CTIF: variants seen among roughly 807,000 people sequenced by gnomAD.
CTIF encodes CBP80/20-dependent translation initiation factor.
A neutral mutation model predicts 66.0 loss-of-function variants in CTIF; 21 were observed. That is an observed-to-expected ratio of 0.32 (90% CI 0.23 to 0.46). The LOEUF is 0.46. Among genes scored for constraint, CTIF ranks in the 20% least tolerant of loss-of-function variants. The pLI is 1.00. For missense variants in CTIF, 739 were observed against 812.7 expected (o/e 0.91, Z 1.10); for synonymous variants, 345 against 326.4 (o/e 1.06, Z -0.62).
At chr18:48,558,948 C>A (rs1028300210) in intron 1 of CTIF, among the ~76,000 whole-genome samples, 2 of 152,172 alleles carry the variant, frequency 1.3e-5, no homozygotes, top group Non-Finnish European at 2.9e-5. Context: ...ACCTGATAAG[C>A]GTTTGCAGAT....
intron 3 of CTIF, among the ~76,000 whole-genome samples, chr18:48,655,345 CTGAA>C (rs1292030272): frequency 2.7e-5 from 4 of 150,038 alleles, no homozygotes; most frequent in African/African-American, 9.8e-5. Flanking sequence ...GCCGGAGTGA[CTGAA>C]TGAGGCCGCA....
At chr18:48,786,602 C>G (rs945275366) in intron 9 of CTIF, among the ~76,000 whole-genome samples, 3 of 152,210 alleles carry the variant, frequency 2.0e-5, no homozygotes, top group African/African-American at 7.2e-5. Flanking sequence ...AGGATTACGA[C>G]TGTGAACGTG....
intron 9 of CTIF, among the ~76,000 whole-genome samples, chr18:48,780,713 C>T (rs1374820650): frequency 1.3e-5 from 2 of 152,240 alleles, no homozygotes; most frequent in African/African-American, 2.4e-5. Context: ...TCCCTCCTGC[C>T]GGTCCGCACA....
At chr18:48,775,676 C>T (rs754569316) in intron 9 of CTIF, among the ~76,000 whole-genome samples, 8 of 152,232 alleles carry the variant, frequency 5.3e-5, no homozygotes, top group African/African-American at 9.6e-5. Flanking sequence ...AGTTTAGGAA[C>T]ATCAGAGGAA....
chr18:48,662,877 A>C (rs1006792436), intron 3 of CTIF, among the ~76,000 whole-genome samples: 3 of 152,184 alleles, frequency 2.0e-5, no homozygotes, highest in African/African-American at 7.2e-5. Flanking sequence ...ATATGTGAAC[A>C]TACCACGGTT....
chr18:48,858,806 C>T (rs778931637), intron 11 of CTIF, among the ~76,000 whole-genome samples: 33 of 152,168 alleles, frequency 2.2e-4, no homozygotes, highest in Non-Finnish European at 3.2e-4. Context: ...GCAGAGGTCA[C>T]TTCTGGGGGC....
chr18:48,640,616 C>G (rs1368697671), intron 3 of CTIF, among the ~76,000 whole-genome samples: 2 of 152,214 alleles, frequency 1.3e-5, no homozygotes, highest in Non-Finnish European at 2.9e-5. Flanking sequence ...TGGTGCTCCT[C>G]TTGACTGCCC....
chr18:48,858,224 C>G (rs912576409), intron 11 of CTIF, among the ~76,000 whole-genome samples: 1 of 152,240 alleles, frequency 6.6e-6, no homozygotes, highest in Non-Finnish European at 1.5e-5. Context: ...AGACGAGGAC[C>G]TGGGCCTGGC....
intron 3 of CTIF, among the ~76,000 whole-genome samples, chr18:48,649,982 G>A (rs920946744): frequency 1.3e-5 from 2 of 152,156 alleles, no homozygotes; most frequent in Non-Finnish European, 2.9e-5. Flanking sequence ...GGTCACCAAC[G>A]TCAAAGACCA....
intron 5 of CTIF, 123 bp from the exon 6 acceptor site, chr18:48,670,546 G>T (rs2091513463): frequency 2.4e-6 from 2 of 830,152 alleles, no homozygotes; most frequent in Non-Finnish European, 4.1e-6. Context: ...GACAGCCCCT[G>T]CAGGGCTTGA....
rs187312556 is a variant in CTIF, at chr18:48,751,592, A to G, written c.585-6327A>G. On this transcript the variant is annotated intron_variant, in intron 7 of 11. Transcript: ENST00000256413. ...AGCAGTTCAGAGGCACACACAAGACACTCTGGTGGCAGAGACGTGGGTGTG... is the reference window on the plus strand; with the variant it reads ...AGCAGTTCAGAGGCACACACAAGACGCTCTGGTGGCAGAGACGTGGGTGTG... Among the ~76,000 whole-genome samples the G allele has an allele frequency of 3.9e-5, 6 of 152,224 alleles. No individual in the cohort carries two copies. In the East Asian group the frequency reaches 1.2e-3, roughly 29 times the overall value.
chr18:48,624,472 C>T (rs2090557889), intron 2 of CTIF, among the ~76,000 whole-genome samples: 1 of 152,110 alleles, frequency 6.6e-6, no homozygotes, highest in African/African-American at 2.4e-5. Flanking sequence ...AATTAGGTCT[C>T]CAAATCTCAT....
intron 2 of CTIF, among the ~76,000 whole-genome samples, chr18:48,624,142 C>CCCCATGCTTGACACCACGCCCCTA: frequency 6.7e-6 from 1 of 149,066 alleles, no homozygotes. Flanking sequence ...CCACGCCCCT[C>CCCCATGCTTGACACCACGCCCCTA]CCCATGCTTG....
intron 7 of CTIF, among the ~76,000 whole-genome samples, chr18:48,751,989 G>A (rs1296276073): frequency 6.6e-6 from 1 of 151,592 alleles, no homozygotes; most frequent in Non-Finnish European, 1.5e-5. Flanking sequence ...TCATTCTACA[G>A]TTAGTGAGAA....
chr18:48,752,280 C>T (rs532347839), intron 7 of CTIF, among the ~76,000 whole-genome samples: 1 of 152,198 alleles, frequency 6.6e-6, no homozygotes, highest in Non-Finnish European at 1.5e-5. Context: ...CATGCTGGCC[C>T]TCTCCTCTCA....
chr18:48,717,878 C>T (rs982684229), intron 7 of CTIF, among the ~76,000 whole-genome samples: 3 of 152,088 alleles, frequency 2.0e-5, no homozygotes, highest in East Asian at 1.9e-4. Context: ...TATAGGCACC[C>T]GCCACCACAC....
chr18:48,742,985 T>C (rs1043512296), intron 7 of CTIF, among the ~76,000 whole-genome samples: 2 of 152,224 alleles, frequency 1.3e-5, no homozygotes, highest in African/African-American at 4.8e-5. Flanking sequence ...CATTACACAT[T>C]TTAAATTATT....
intron 3 of CTIF, among the ~76,000 whole-genome samples, chr18:48,646,901 C>CAAAAAAAA (rs35904615): frequency 5.0e-4 from 39 of 77,942 alleles, no homozygotes; most frequent in East Asian, 9.8e-4. Context: ...TTGGCAGTTT[C>CAAAAAAAA]AAAAAAAAAA....
intron 6 of CTIF, among the ~76,000 whole-genome samples, chr18:48,681,198 G>A (rs375275443): frequency 6.6e-6 from 1 of 152,244 alleles, no homozygotes; most frequent in African/African-American, 2.4e-5. Context: ...GTGAGCTGCT[G>A]CACAATCCCA....
Sources: gnomAD v4.1 joint callset for allele counts (sites outside exome capture counted in the v4.1 genomes callset) on GRCh38, gnomAD v4.1.1 for gene constraint, MANE v1.5 for transcripts, NCBI Gene and HGNC (gene_info 2026-07-23, HGNC 2026-07-21) for gene names.